SPECC1: variants seen among roughly 807,000 people sequenced by gnomAD.
The protein encoded by SPECC1 is sperm antigen with calponin homology and coiled-coil domains 1.
SPECC1 carries 62 observed loss-of-function variants against 104.1 expected under a neutral mutation model. The ratio of observed to expected loss-of-function variants is 0.60; its 90% CI spans 0.49 to 0.74. The LOEUF is 0.74. Among genes scored for constraint, SPECC1 ranks in the 30% least tolerant of loss-of-function variants. SPECC1 has a pLI of 0.00. For missense variants in SPECC1, 1,306 were observed against 1,310.5 expected, an observed-to-expected ratio of 1.00 and a Z score of 0.05; for synonymous variants, 513 against 501.6, an observed-to-expected ratio of 1.02 and a Z score of -0.30.
At chr17:20,222,080 T>C (rs542028325) in intron 4 of SPECC1, among the ~76,000 whole-genome samples, 10 of 151,090 alleles carry the variant, frequency 6.6e-5, no homozygotes, top group Admixed American at 1.3e-4. Context: ...AAGCCTGTAA[T>C]CCCAGCGCTT....
At chr17:20,028,353 G>C (rs1449255013) in intron 1 of SPECC1, among the ~76,000 whole-genome samples, 1 of 151,872 alleles carries the variant, frequency 6.6e-6, no homozygotes, top group Non-Finnish European at 1.5e-5. Context: ...AAATCATCTG[G>C]GCTGGATGTG....
chr17:20,312,978 C>CTT (rs2041971639), intron 14 of SPECC1, among the ~76,000 whole-genome samples: 1 of 152,190 alleles, frequency 6.6e-6, no homozygotes, highest in Non-Finnish European at 1.5e-5. Context: ...CTGCTTCTGG[C>CTT]TTTACATCAG....
Position 20,105,427 on chromosome 17 carries a change from G to A in SPECC1, c.148-5000G>A, listed in dbSNP as rs901734215. Among the ~76,000 whole-genome samples, 7 of 152,094 alleles carry A rather than the reference G, an allele frequency of 4.6e-5. 1 individual carries two copies. The South Asian group carries it at 8.3e-4, about 18-fold the overall frequency. ...GGTCATATAGGTAGGAAGAAGGAGCGCTGCTCCCTTCACCACTCCCTGGGC... is the reference window on the plus strand; with the variant it reads ...GGTCATATAGGTAGGAAGAAGGAGCACTGCTCCCTTCACCACTCCCTGGGC... On this transcript the variant is annotated intron_variant, in intron 2 of 14. Coordinates refer to ENST00000395527, the MANE Select transcript of SPECC1 (RefSeq NM_001243439.2).
At chr17:20,201,787 C>T (rs573227873) in intron 3 of SPECC1, among the ~76,000 whole-genome samples, 1 of 152,080 alleles carries the variant, frequency 6.6e-6, no homozygotes, top group Admixed American at 6.5e-5. Context: ...ATCTGTGACA[C>T]CTATAAGTAA....
At position 20,042,578 on chromosome 17, in the gene SPECC1, G is replaced by T. The variant is rs190997789; in HGVS notation, c.-22+33154G>T. On this transcript the variant is annotated intron_variant, in intron 1 of 14. Transcript: ENST00000395527. ...GCAGTCCTTACTCAGCCTTGGTGGG[G>T]GTGTTGGGTACCTTGGTACGTCCTC... Among the ~76,000 whole-genome samples the T allele has an allele frequency of 2.0e-5, 3 of 152,264 alleles. No individual in the cohort carries two copies. The East Asian group carries it at 5.8e-4, about 29-fold the overall frequency.
rs544098983 is a variant in SPECC1 at position 20,276,905 on chromosome 17, C to T, written c.2940+16611C>T. On this transcript the variant is annotated intron_variant, in intron 12 of 14. Transcript: ENST00000395527. The stretch of plus-strand genomic sequence containing the variant: ...CAGTTGCTCTTGCCAGGGCTGCTTT[C>T]TGGGGTAGAATGGAGGAAGAGCCAT... 5.1e-4 allele frequency among the ~76,000 whole-genome samples: 77 copies of T among 152,296 alleles called. 1 individual carries two copies. In the South Asian group the frequency reaches 0.011, roughly 22 times the overall value.
chr17:20,089,280 ATGAACATGG>A lies in SPECC1; in HGVS notation c.-21-7348_-21-7340del, dbSNP rs560779540. 3.6e-3 allele frequency among the ~76,000 whole-genome samples: 548 copies of A among 152,322 alleles called. 1 individual carries two copies. Among genetic ancestry groups the A allele is most frequent in the Non-Finnish European group, 4.8e-3 (325 of 68,022 alleles). On this transcript the variant is annotated intron_variant, in intron 1 of 14. Transcript: ENST00000395527. The stretch of plus-strand genomic sequence containing the variant: ...ACATGAAAGAAGACGAAGGAAAATG[ATGAACATGG>A]TGCCAGTCTCTTAGTTGGTGTTGCT...
rs2036634579 is a variant in SPECC1 at position 20,204,438 on chromosome 17, A to C, written c.389A>C (p.Lys130Thr). Residue 130 changes from lysine (K) to threonine (T), a missense_variant, in exon 4 of 15, where the codon AAA becomes ACA. Transcript: ENST00000395527. ...CCACGTGGTCCCTCCAACCCCAGGAAATCAGTGTCCAGTCCAACTTCTTCC... is the reference window on the plus strand; with the variant it reads ...CCACGTGGTCCCTCCAACCCCAGGACATCAGTGTCCAGTCCAACTTCTTCC... Reference protein sequence around the residue: ...SVPRGPSNPRKSVSSPTSSNT... With the variant: ...SVPRGPSNPRTSVSSPTSSNT... 1.2e-6 allele frequency: 2 copies of C among 1,614,116 alleles called. No homozygotes were observed. The highest frequency in any genetic ancestry group is 4.5e-5 in the East Asian group (2 of 44,878).
At chr17:20,238,425 G>C (rs2039037952) in intron 7 of SPECC1, 1 of 1,042,118 alleles carries the variant, frequency 9.6e-7, no homozygotes, top group Non-Finnish European at 1.2e-6. Context: ...CCTCACATGA[G>C]GAACTGGTTC....
chr17:20,112,646 C>A, intron 3 of SPECC1: 1 of 903,370 alleles, frequency 1.1e-6, no homozygotes, highest in Non-Finnish European at 1.9e-6. Flanking sequence ...TGCAAATCTT[C>A]AGGGAGTCAA....
rs1166596015 is a variant in SPECC1, at chr17:20,306,229, G to A, written c.3117+147G>A. The A allele has an allele frequency of 9.6e-6, 6 of 621,862 alleles. No homozygotes were observed. The Admixed American group carries it at 1.6e-4, about 17-fold the overall frequency. 38.5% of individuals were successfully genotyped at this position (621,862 alleles called of 1,614,324 possible). On this transcript the variant is annotated intron_variant, in intron 14 of 14. Transcript: ENST00000395527. ...ATACCTAATATAGAGTTATCCAGTTGATATAATCACATATCAACATATGAT... is the reference window on the plus strand; with the variant it reads ...ATACCTAATATAGAGTTATCCAGTTAATATAATCACATATCAACATATGAT...
intron 3 of SPECC1, among the ~76,000 whole-genome samples, chr17:20,137,637 G>A (rs144664151): frequency 6.6e-6 from 1 of 151,886 alleles, no homozygotes; most frequent in Non-Finnish European, 1.5e-5. Context: ...TCCTTTAAAA[G>A]GTTTTTTTAA....
chr17:20,018,831 G>C (rs1437195851), intron 1 of SPECC1, among the ~76,000 whole-genome samples: 2 of 152,200 alleles, frequency 1.3e-5, no homozygotes, highest in African/African-American at 2.4e-5. Context: ...GTGAAATGCT[G>C]TCTACCAGGG....
chr17:20,124,518 C>T (rs2049187545), intron 3 of SPECC1, among the ~76,000 whole-genome samples: 1 of 152,074 alleles, frequency 6.6e-6, no homozygotes, highest in Non-Finnish European at 1.5e-5. Flanking sequence ...TGGAAAATCA[C>T]AGAATGCCAG....
chr17:20,129,360 G>T (rs1329799168), intron 3 of SPECC1, among the ~76,000 whole-genome samples: 1 of 151,492 alleles, frequency 6.6e-6, no homozygotes, highest in African/African-American at 2.4e-5. Context: ...TAATTTTTTT[G>T]TATTTTTAGT....
At chr17:20,021,702 A>ATATATATATTTT (rs1402960712) in intron 1 of SPECC1, among the ~76,000 whole-genome samples, 2 of 139,276 alleles carry the variant, frequency 1.4e-5, no homozygotes, top group African/African-American at 5.3e-5. Context: ...ATATATATAT[A>ATATATATATTTT]TTTTTTTGTA....
At position 20,317,856 on chromosome 17, in the gene SPECC1, C is replaced by T. The variant is rs1270165694; in HGVS notation, c.*3791C>T. The T allele has an allele frequency of 4.4e-6, 1 of 225,900 alleles. No homozygotes were observed. The highest frequency in any genetic ancestry group is 8.8e-6 in the Non-Finnish European group (1 of 113,638). The allele number at this position is 225,900 out of a possible 1,614,324, so 14.0% of individuals were successfully genotyped here. ...TTCTAGCACAGCAGCTAGTAGGGCT[C>T]CCCCAAGCCATCCGCTGGCGTGTGG... On this transcript the variant is annotated 3_prime_UTR_variant, in exon 15 of 15. Transcript: ENST00000395527.
In SPECC1 at chr17:20,205,566, T is replaced by C; in HGVS notation, c.1517T>C (p.Leu506Ser). ...GTTGAGGAAGAAAACCAAGGAGCTT[T>C]AGAAATGATTAAACGTCTGAAGGAA... Reference protein sequence around the residue: ...RKVEEENQGALEMIKRLKEEN... With the variant: ...RKVEEENQGASEMIKRLKEEN... The change falls in exon 4 of 15, where the codon TTA becomes TCA. Residue 506 changes from leucine to serine, a missense_variant. Physicochemically the swap from Leu to Ser is moderately radical, Grantham distance 145. Coordinates refer to ENST00000395527, the MANE Select transcript of SPECC1 (RefSeq NM_001243439.2). 6.2e-7 allele frequency: 1 copy of C among 1,614,042 alleles called. No homozygotes were observed. Among genetic ancestry groups the C allele is most frequent in the Non-Finnish European group, 8.5e-7 (1 of 1,180,008 alleles).
intron 3 of SPECC1, among the ~76,000 whole-genome samples, chr17:20,145,367 G>A (rs566605485): frequency 2.0e-5 from 3 of 152,308 alleles, no homozygotes; most frequent in African/African-American, 7.2e-5. Context: ...GTAACAGAAT[G>A]GAAAGTAGGT....
Sources: allele counts gnomAD v4.1 joint callset (sites outside exome capture counted in the v4.1 genomes callset), GRCh38; gene constraint gnomAD v4.1.1; transcripts MANE v1.5; gene names NCBI Gene and HGNC (gene_info 2026-07-23, HGNC 2026-07-21).